The following DTD1 variants were observed in gnomAD, a reference collection of about 807,000 sequenced individuals.
DTD1 encodes D-aminoacyl-tRNA deacylase 1, also known as D-tyrosyl-tRNA deacylase 1 homolog.
Under a neutral mutation model 25.6 loss-of-function variants are expected in DTD1, and 13 were observed. The ratio of observed to expected loss-of-function variants is 0.51; its 90% CI spans 0.33 to 0.81. DTD1 has a LOEUF of 0.81. Among genes scored for constraint, DTD1 ranks in the 30% least tolerant of loss-of-function variants. The pLI is 0.02. For synonymous variants in DTD1, 110 were observed against 103.6 expected (o/e 1.06, Z -0.37); for missense variants, 193 against 266.4 (o/e 0.72, Z 1.92).
intron 4 of DTD1, among the ~76,000 whole-genome samples, chr20:18,671,960 G>A (rs998545430): frequency 2.6e-5 from 4 of 152,204 alleles, no homozygotes; most frequent in African/African-American, 9.7e-5. Flanking sequence ...CTGGCTGGGC[G>A]CAGTAGTTCA....
intron 4 of DTD1, among the ~76,000 whole-genome samples, chr20:18,710,862 C>A (rs1441621892): frequency 6.6e-6 from 1 of 152,162 alleles, no homozygotes; most frequent in Non-Finnish European, 1.5e-5. Flanking sequence ...TGAGTTGAAT[C>A]ATGGGCCCGT....
intron 4 of DTD1, among the ~76,000 whole-genome samples, chr20:18,691,116 A>G (rs2061045197): frequency 6.6e-6 from 1 of 152,234 alleles, no homozygotes; most frequent in African/African-American, 2.4e-5. Flanking sequence ...AATGAGCAGA[A>G]GCTGGCAAAG....
intron 4 of DTD1, among the ~76,000 whole-genome samples, chr20:18,708,218 A>AC (rs1568676578): frequency 0.042 from 232 of 5,582 alleles, no homozygotes; most frequent in Non-Finnish European, 0.1. Context: ...TTATATATAT[A>AC]ATATATATAT....
intron 5 of DTD1, among the ~76,000 whole-genome samples, chr20:18,754,911 C>T (rs1007815279): frequency 2.0e-5 from 3 of 152,208 alleles, no homozygotes; most frequent in African/African-American, 7.2e-5. Flanking sequence ...ACTCATGATA[C>T]TAACATTGAT....
chr20:18,698,164 T>C (rs961022702), intron 4 of DTD1, among the ~76,000 whole-genome samples: 1 of 152,378 alleles, frequency 6.6e-6, no homozygotes, highest in African/African-American at 2.4e-5. Flanking sequence ...TAGGATCTGC[T>C]GATGTATATG....
chr20:18,650,682 T>C (rs1240881747), intron 4 of DTD1, among the ~76,000 whole-genome samples: 1 of 152,230 alleles, frequency 6.6e-6, no homozygotes. Context: ...CTTAGACCAA[T>C]TATGGGAAAG....
At chr20:18,757,632 G>A (rs183659790) in intron 5 of DTD1, among the ~76,000 whole-genome samples, 33 of 152,148 alleles carry the variant, frequency 2.2e-4, no homozygotes, top group African/African-American at 9.7e-5. Context: ...CCACTTGATC[G>A]TGGTGGATAA....
chr20:18,624,482 G>A (rs748516680), intron 3 of DTD1, among the ~76,000 whole-genome samples: 3 of 152,164 alleles, frequency 2.0e-5, no homozygotes, highest in Non-Finnish European at 4.4e-5. Flanking sequence ...GACATCATGA[G>A]CTCAGAAGCC....
chr20:18,591,621 T>C (rs970851788), intron 1 of DTD1, among the ~76,000 whole-genome samples: 1 of 152,218 alleles, frequency 6.6e-6, no homozygotes, highest in East Asian at 1.9e-4. Flanking sequence ...CTTACCTTTG[T>C]TCTTTTTTTC....
chr20:18,760,778 T>G lies in DTD1; in HGVS notation c.*20-2582T>G, dbSNP rs2061358375. Among the ~76,000 whole-genome samples, 2 of 152,216 alleles carry G rather than the reference T, an allele frequency of 1.3e-5. 1 individual carries two copies. Among genetic ancestry groups the G allele is most frequent in the South Asian group, 4.1e-4 (2 of 4,836 alleles). On this transcript the variant is annotated intron_variant, in intron 5 of 5. Transcript: ENST00000377452. ...CTTCAAAGCTGTCAGACAGGGACATTTAAGTCTGCAGAGGTTTCTGCTGCC... is the reference window on the plus strand; with the variant it reads ...CTTCAAAGCTGTCAGACAGGGACATGTAAGTCTGCAGAGGTTTCTGCTGCC...
rs779298681 is a variant in DTD1 at position 18,593,831 on chromosome 20, A to G, written c.134+10A>G. On this transcript the variant is annotated intron_variant, in intron 2 of 5. Coordinates refer to ENST00000377452, the MANE Select transcript of DTD1 (RefSeq NM_080820.6). ...AGGAACTGGAACACATGTAAGATGC[A>G]TTTCTGTCATTGCTGTTTGAGTGGG... 1.2e-6 allele frequency: 2 copies of G among 1,608,502 alleles called. No homozygotes were observed. Among genetic ancestry groups the G allele is most frequent in the South Asian group, 1.1e-5 (1 of 90,676 alleles).
intron 4 of DTD1, among the ~76,000 whole-genome samples, chr20:18,673,193 A>G (rs1048261540): frequency 6.6e-6 from 1 of 152,206 alleles, no homozygotes; most frequent in Non-Finnish European, 1.5e-5. Flanking sequence ...TAATCTGTCC[A>G]GTATGTTCAA....
chr20:18,592,644 A>G (rs1344175483), intron 1 of DTD1: 3 of 152,008 alleles, frequency 2.0e-5, no homozygotes, highest in Non-Finnish European at 4.4e-5. Context: ...AATGAAAAAA[A>G]AAACAGGGAT....
chr20:18,647,588 T>C (rs985625093), intron 4 of DTD1, among the ~76,000 whole-genome samples: 10 of 151,938 alleles, frequency 6.6e-5, no homozygotes, highest in African/African-American at 2.2e-4. Context: ...CATGGAGGCT[T>C]GAACCTCCTG....
chr20:18,726,692 C>T (rs2061223510), intron 4 of DTD1, among the ~76,000 whole-genome samples: 1 of 152,172 alleles, frequency 6.6e-6, no homozygotes, highest in African/African-American at 2.4e-5. Context: ...AGACTTAGTC[C>T]TGGGGGTTTT....
chr20:18,683,050 G>C (rs1482119866), intron 4 of DTD1, among the ~76,000 whole-genome samples: 1 of 152,184 alleles, frequency 6.6e-6, no homozygotes, highest in Non-Finnish European at 1.5e-5. Context: ...TCTTTAATCA[G>C]AGTTTTCCTA....
intron 4 of DTD1, among the ~76,000 whole-genome samples, chr20:18,678,498 C>G (rs773070969): frequency 6.6e-6 from 1 of 152,222 alleles, no homozygotes; most frequent in Non-Finnish European, 1.5e-5. Context: ...TCTGGAAACT[C>G]GTAATATAAT....
In DTD1 at chr20:18,744,007, C is replaced by G; in HGVS notation, c.478-93C>G. The G allele has an allele frequency of 2.1e-6, 3 of 1,404,246 alleles. No homozygotes were observed. The South Asian group carries it at 4.3e-5, about 20-fold the overall frequency. The allele number at this position is 1,404,246 out of a possible 1,614,324, so 87.0% of individuals were successfully genotyped here. The stretch of plus-strand genomic sequence containing the variant: ...GCCAGGTTATCAGAAAAAAACTTTT[C>G]AATGGTTCCCACCTGGGAAGTCACT... On this transcript the variant is annotated intron_variant, in intron 4 of 5. Transcript: ENST00000377452.
chr20:18,660,250 C>T (rs933040575), intron 4 of DTD1, among the ~76,000 whole-genome samples: 1 of 152,126 alleles, frequency 6.6e-6, no homozygotes, highest in Non-Finnish European at 1.5e-5. Flanking sequence ...GATAGGGTCT[C>T]GTTCTGTTGC....
Sources: allele counts gnomAD v4.1 joint callset (sites outside exome capture counted in the v4.1 genomes callset), GRCh38; gene constraint gnomAD v4.1.1; transcripts MANE v1.5; gene names NCBI Gene and HGNC (gene_info 2026-07-23, HGNC 2026-07-21).